The following HOMEZ variants were observed in gnomAD, a reference collection of about 807,000 sequenced individuals.
The protein encoded by HOMEZ is homeobox and leucine zipper encoding.
In HOMEZ, 20 loss-of-function variants were observed where a neutral mutation model predicts 50.1. The ratio of observed to expected loss-of-function variants is 0.40; its 90% CI spans 0.28 to 0.58. The LOEUF (loss-of-function observed/expected upper bound fraction) is 0.58, where lower values mean the gene tolerates loss of function less well. HOMEZ is among the 20% of genes least tolerant of loss of function. The probability of loss-of-function intolerance (pLI) is 0.46; values close to 1 mark genes in which losing one functional copy is unlikely to be tolerated. For synonymous variants in HOMEZ, 239 were observed against 254.7 expected (o/e 0.94, Z 0.59); for missense variants, 579 against 680.5 (o/e 0.85, Z 1.66).
Position 23,285,998 on chromosome 14 carries a change from AGTGGG to A in HOMEZ, c.-51_-47del. ...AGAGGGCAGGGGGCCTCCGAGTGGGAGTGGGGTTGCTGCCCGGTGCGGCCGCTCCG... is the reference window on the plus strand; with the variant it reads ...AGAGGGCAGGGGGCCTCCGAGTGGGAGTTGCTGCCCGGTGCGGCCGCTCCG... On this transcript the variant is annotated 5_prime_UTR_variant, in exon 1 of 2. Transcript: ENST00000357460. The A allele has an allele frequency of 8.1e-7, 1 of 1,234,474 alleles. No individual in the cohort carries two copies. 76.5% of individuals were successfully genotyped at this position (1,234,474 alleles called of 1,614,324 possible). A position where few individuals can be genotyped will look rare whatever the true frequency, so the allele number is the denominator to read the frequency against.
rs1886203407 is a variant in HOMEZ, at chr14:23,272,778, T to C, written c.*2797A>G. On this transcript the variant is annotated 3_prime_UTR_variant, in exon 2 of 2. Transcript: ENST00000357460. ...GTCAGAGAGACTTGCTTGCCCTTTTTGCTGTTATAAACACCCACATCTACC... is the reference window on the plus strand; with the variant it reads ...GTCAGAGAGACTTGCTTGCCCTTTTCGCTGTTATAAACACCCACATCTACC... 8 of 1,272,582 alleles carry C rather than the reference T, an allele frequency of 6.3e-6. No homozygotes were observed. Among genetic ancestry groups the C allele is most frequent in the African/African-American group, 4.4e-5 (3 of 67,632 alleles). The allele number at this position is 1,272,582 out of a possible 1,614,324, so 78.8% of individuals were successfully genotyped here. A position where few individuals can be genotyped will look rare whatever the true frequency, so the allele number is the denominator to read the frequency against.
Position 23,276,834 on chromosome 14 carries a change from G to T in HOMEZ, c.394C>A (p.Gln132Lys). Reference protein sequence around the residue: ...TRARVVYRRDQLHFKSLLSFT... With the variant: ...TRARVVYRRDKLHFKSLLSFT... ...GAGAGAAGGGATTTGAAATGGAGTTGGTCCCGACGGTAGACTACTCGGGCT... is the reference window on the plus strand; with the variant it reads ...GAGAGAAGGGATTTGAAATGGAGTTTGTCCCGACGGTAGACTACTCGGGCT... Residue 132 changes from glutamine (Q) to lysine (K), a missense_variant, in exon 2 of 2, where the codon CAA becomes AAA. Physicochemically the swap from Gln to Lys is moderately conservative, Grantham distance 53. Transcript: ENST00000357460. The surrounding 1 kb of genome is among the most constrained non-coding windows in gnomAD (Gnocchi z 4.1). 1.9e-6 allele frequency: 3 copies of T among 1,614,036 alleles called. 1 individual carries two copies. In the South Asian group the frequency reaches 3.3e-5, roughly 18 times the overall value.
intron 1 of HOMEZ, among the ~76,000 whole-genome samples, chr14:23,280,722 T>C (rs1403031863): frequency 1.3e-4 from 9 of 66,958 alleles, no homozygotes; most frequent in Admixed American, 7.5e-4. Flanking sequence ...TTTATTTTAT[T>C]TTATTTTATT....
At position 23,275,264 on chromosome 14, in the gene HOMEZ, G is replaced by A. The variant is rs1594961506; in HGVS notation, c.*311C>T. Reference sequence around the variant, plus strand: ...ATCTGGCCTCTGTATAGTACACCAAGGGAAAAAAACAGCAGACACGAGGAG... The same window carrying A: ...ATCTGGCCTCTGTATAGTACACCAAAGGAAAAAAACAGCAGACACGAGGAG... On this transcript the variant is annotated 3_prime_UTR_variant, in exon 2 of 2. Coordinates refer to ENST00000357460, the MANE Select transcript of HOMEZ (RefSeq NM_020834.3). The A allele has an allele frequency of 2.7e-6, 1 of 366,076 alleles. No individual in the cohort carries two copies. Among genetic ancestry groups the A allele is most frequent in the East Asian group, 5.1e-5 (1 of 19,420 alleles). 22.7% of individuals were successfully genotyped at this position (366,076 alleles called of 1,614,324 possible).
In HOMEZ at chr14:23,272,754, T is replaced by C. The variant is rs183413502; in HGVS notation, c.*2821A>G. ...GTCTCGATAAGCTTCATACAACAGG[T>C]CAGAGAGACTTGCTTGCCCTTTTTG... is the stretch of plus-strand genomic sequence containing the variant. On this transcript the variant is annotated 3_prime_UTR_variant, in exon 2 of 2. Coordinates refer to ENST00000357460, the MANE Select transcript of HOMEZ (RefSeq NM_020834.3). 1,180 of 938,400 alleles carry C rather than the reference T, an allele frequency of 1.3e-3. 3 individuals carry two copies. The highest frequency in any genetic ancestry group is 1.7e-3 in the Admixed American group (86 of 50,188). The allele number at this position is 938,400 out of a possible 1,614,324, so 58.1% of individuals were successfully genotyped here.
chr14:23,286,099 A>T lies in HOMEZ; in HGVS notation c.-147T>A, dbSNP rs1886660477. ...TCCCCGGGAGCGCGCCGGTCTACCC[A>T]GCCCTGCTCGAGCAAGTTGGAGGCG... On this transcript the variant is annotated 5_prime_UTR_variant, in exon 1 of 2. Coordinates refer to ENST00000357460, the MANE Select transcript of HOMEZ (RefSeq NM_020834.3). The T allele has an allele frequency of 1.6e-6, 2 of 1,230,198 alleles. No homozygotes were observed. The highest frequency in any genetic ancestry group is 2.0e-6 in the Non-Finnish European group (2 of 987,050). 76.2% of individuals were successfully genotyped at this position (1,230,198 alleles called of 1,614,324 possible). A position where few individuals can be genotyped will look rare whatever the true frequency, so the allele number is the denominator to read the frequency against.
chr14:23,278,486 C>A (rs947688008), intron 1 of HOMEZ, among the ~76,000 whole-genome samples: 3 of 152,060 alleles, frequency 2.0e-5, no homozygotes, highest in African/African-American at 7.2e-5. Context: ...CCACCTCAGC[C>A]TCCCAAGTAG....
Position 23,275,553 on chromosome 14 carries a change from C to G in HOMEZ, c.*22G>C. 6.6e-7 allele frequency: 1 copy of G among 1,525,856 alleles called. No homozygotes were observed. Among genetic ancestry groups the G allele is most frequent in the Non-Finnish European group, 8.8e-7 (1 of 1,133,694 alleles). The allele number at this position is 1,525,856 out of a possible 1,614,324, so 94.5% of individuals were successfully genotyped here. On this transcript the variant is annotated 3_prime_UTR_variant, in exon 2 of 2. Transcript: ENST00000357460. ...GTTGGTTCATCTTTCAGTAACAGAC[C>G]TCCCCTCCCCCAGCTCCCCACTCAG...
chr14:23,280,701 A>T lies in HOMEZ; in HGVS notation c.41-3514T>A, dbSNP rs571593299. ...TCTGTTATATTTTATTTTTATTTTT[A>T]TATTTTTATTTTTATTTTATTTTAT... is the stretch of plus-strand genomic sequence containing the variant. On this transcript the variant is annotated intron_variant, in intron 1 of 1. Coordinates refer to ENST00000357460, the MANE Select transcript of HOMEZ (RefSeq NM_020834.3). Among the ~76,000 whole-genome samples, 93 of 69,996 alleles carry T rather than the reference A, an allele frequency of 1.3e-3. 5 individuals carry two copies. The highest frequency in any genetic ancestry group is 3.1e-3 in the South Asian group (6 of 1,928). The allele number at this position is 69,996 out of a possible 152,430, so 45.9% of individuals were successfully genotyped here. A position where few individuals can be genotyped will look rare whatever the true frequency, so the allele number is the denominator to read the frequency against.
rs1373369940 is a variant in HOMEZ, at chr14:23,274,439, G to A, written c.*1136C>T. On this transcript the variant is annotated 3_prime_UTR_variant, in exon 2 of 2. Transcript: ENST00000357460. The stretch of plus-strand genomic sequence containing the variant: ...TGTAACACAATTCTACTGTTTAAAA[G>A]GACATCTTCCCTAATTACCACCTCC... 6.6e-6 allele frequency: 1 copy of A among 152,582 alleles called. No homozygotes were observed. The highest frequency in any genetic ancestry group is 1.5e-5 in the Non-Finnish European group (1 of 68,016). 9.5% of individuals were successfully genotyped at this position (152,582 alleles called of 1,614,324 possible). A position where few individuals can be genotyped will look rare whatever the true frequency, so the allele number is the denominator to read the frequency against.
In HOMEZ at chr14:23,276,489, A is replaced by G. The variant is rs1566449097; in HGVS notation, c.739T>C (p.Ser247Pro). 1.9e-6 allele frequency: 3 copies of G among 1,614,020 alleles called. No homozygotes were observed. The highest frequency in any genetic ancestry group is 1.3e-5 in the African/African-American group (1 of 75,054). Residue 247 changes from serine to proline, a missense_variant, in exon 2 of 2, where the codon TCC becomes CCC. Physicochemically the swap from Ser to Pro is moderately conservative, Grantham distance 74 (BLOSUM62 -1). Transcript: ENST00000357460. The surrounding 1 kb of genome is among the most constrained non-coding windows in gnomAD (Gnocchi z 4.1). The part of the protein sequence containing the change: ...PNQSHGIGTA[S>P]WNHSTTVPQP... The stretch of plus-strand genomic sequence containing the variant: ...GGGACGGTTGTGGAGTGGTTCCAGG[A>G]AGCAGTACCTATGCCATGTGACTGG...
In HOMEZ at chr14:23,276,143, C is replaced by T. The variant is rs899582546; in HGVS notation, c.1085G>A (p.Arg362His). The change falls in exon 2 of 2, where the codon CGC becomes CAC. Residue 362 changes from arginine to histidine, a missense_variant. By Grantham distance (29) the Arg-to-His change is conservative. Transcript: ENST00000357460. The surrounding 1 kb of genome is among the most constrained non-coding windows in gnomAD (Gnocchi z 4.1). ...GATAGCCAGCTGCTCTTTGGTTTTG[C>T]GCTTGGTCTTTCGCTGGCGTTGCAT... ...PDMQRQRKTK[R>H]KTKEQLAILK... 5 of 1,613,728 alleles carry T rather than the reference C, an allele frequency of 3.1e-6. No individual in the cohort carries two copies. The highest frequency in any genetic ancestry group is 1.3e-5 in the African/African-American group (1 of 74,906).
chr14:23,278,848 G>A (rs1270846112), intron 1 of HOMEZ, among the ~76,000 whole-genome samples: 4 of 152,024 alleles, frequency 2.6e-5, no homozygotes, highest in African/African-American at 9.7e-5. Context: ...GCTACATTTT[G>A]TATTTTTAGT....
rs1021062708 is a variant in HOMEZ at position 23,286,052 on chromosome 14, A to C, written c.-100T>G. On this transcript the variant is annotated 5_prime_UTR_variant, in exon 1 of 2. Transcript: ENST00000357460. ...CGAGCCCACCCCAGCGATGGCCGAA[A>C]CCGGGACTGCCCCCCCCACCGTCCC... 3.2e-6 allele frequency: 4 copies of C among 1,231,060 alleles called. No homozygotes were observed. In the African/African-American group the frequency reaches 6.2e-5, roughly 19 times the overall value. The allele number at this position is 1,231,060 out of a possible 1,614,324, so 76.3% of individuals were successfully genotyped here. A position where few individuals can be genotyped will look rare whatever the true frequency, so the allele number is the denominator to read the frequency against.
Position 23,285,805 on chromosome 14 carries a change from C to T in HOMEZ, c.40+108G>A, listed in dbSNP as rs529640141. 493 of 578,970 alleles carry T rather than the reference C, an allele frequency of 8.5e-4. 1 individual carries two copies. Among genetic ancestry groups the T allele is most frequent in the Non-Finnish European group, 1.2e-3 (457 of 378,712 alleles). 35.9% of individuals were successfully genotyped at this position (578,970 alleles called of 1,614,324 possible). A position where few individuals can be genotyped will look rare whatever the true frequency, so the allele number is the denominator to read the frequency against. On this transcript the variant is annotated intron_variant, in intron 1 of 1. Transcript: ENST00000357460. ...GAGGAGAAAAAAGAGAGAACCGGGC[C>T]ACTTCGAACCTAGAATTATCCCCCC...
At chr14:23,280,585 T>C (rs1886467806) in intron 1 of HOMEZ, among the ~76,000 whole-genome samples, 1 of 151,920 alleles carries the variant, frequency 6.6e-6, no homozygotes, top group South Asian at 2.1e-4. Flanking sequence ...TTTCCCAGAA[T>C]ATTCTGTTGA....
chr14:23,280,682 A>ATATT (rs1886473888), intron 1 of HOMEZ, among the ~76,000 whole-genome samples: 2 of 132,146 alleles, frequency 1.5e-5, no homozygotes, highest in Non-Finnish European at 3.3e-5. Context: ...CACATCTGTT[A>ATATT]TATTTTATTT....
chr14:23,276,743 T>C lies in HOMEZ; in HGVS notation c.485A>G (p.Gln162Arg), dbSNP rs775115082. The C allele has an allele frequency of 2.5e-6, 4 of 1,614,034 alleles. No homozygotes were observed. Among genetic ancestry groups the C allele is most frequent in the Middle Eastern group, 3.3e-4 (2 of 6,062 alleles). The change falls in exon 2 of 2, where the codon CAA (glutamine) becomes CGA (arginine). Residue 162 changes from glutamine (Q) to arginine (R), a missense_variant. Transcript: ENST00000357460. This position sits in a 1 kb window ranked among gnomAD's most constrained non-coding sequence, Gnocchi z 4.1. The stretch of plus-strand genomic sequence containing the variant: ...TGGAGGACCTATTCCAATACCAACT[T>C]GCTCTGGAGCTGGCACTGGAGGAGG... ...VPPPPVPAPEQVGIGIGPPTL... is the reference protein window; with the variant it reads ...VPPPPVPAPERVGIGIGPPTL...
Position 23,273,007 on chromosome 14 carries a change from C to T in HOMEZ, c.*2568G>A, listed in dbSNP as rs1886226560. 8 of 613,292 alleles carry T rather than the reference C, an allele frequency of 1.3e-5. No individual in the cohort carries two copies. Among genetic ancestry groups the T allele is most frequent in the South Asian group, 2.1e-5 (1 of 47,854 alleles). The allele number at this position is 613,292 out of a possible 1,614,324, so 38.0% of individuals were successfully genotyped here. On this transcript the variant is annotated 3_prime_UTR_variant, in exon 2 of 2. Transcript: ENST00000357460. ...CCCTGCATTGTTTCCTAGTTTCACT[C>T]TGTACCTTATGCTCCCCCCATCTTT...
Sources: gnomAD v4.1 joint callset for allele counts (sites outside exome capture counted in the v4.1 genomes callset) on GRCh38, gnomAD v4.1.1 for gene constraint, Gnocchi (gnomAD v3.1) non-coding constraint, MANE v1.5 for transcripts, NCBI Gene and HGNC (gene_info 2026-07-23, HGNC 2026-07-21) for gene names.